ARMC6: variants seen among roughly 807,000 people sequenced by gnomAD.
ARMC6 encodes the protein armadillo repeat-containing protein 6.
Under a neutral mutation model 49.2 loss-of-function variants are expected in ARMC6, and 43 were observed. That is an observed-to-expected ratio of 0.87 (90% CI 0.69 to 1.13). The LOEUF is 1.13. ARMC6 is among the 50% of genes most tolerant of loss of function. The pLI, the probability that ARMC6 is intolerant of heterozygous loss-of-function variation, is 0.00. For synonymous variants in ARMC6, 262 were observed against 289.6 expected, an observed-to-expected ratio of 0.90 and a Z score of 0.97; for missense variants, 627 against 682.0, an observed-to-expected ratio of 0.92 and a Z score of 0.90.
chr19:19,056,593 C>G (rs998000881), intron 8 of ARMC6, among the ~76,000 whole-genome samples: 1 of 152,122 alleles, frequency 6.6e-6, no homozygotes, highest in African/African-American at 2.4e-5. Flanking sequence ...ATAGAGAGAT[C>G]TGGGGAGAAA....
At chr19:19,049,040 A>G (rs920133353) in intron 4 of ARMC6, among the ~76,000 whole-genome samples, 4 of 150,486 alleles carry the variant, frequency 2.7e-5, no homozygotes, top group African/African-American at 9.8e-5. Flanking sequence ...AGGGGTCCTT[A>G]GTATGGATGA....
intron 2 of ARMC6, among the ~76,000 whole-genome samples, chr19:19,040,350 C>T (rs1163283603): frequency 2.6e-5 from 4 of 152,168 alleles, no homozygotes; most frequent in Non-Finnish European, 5.9e-5. Flanking sequence ...CAGCTGGAAT[C>T]GGAAGCAGAA....
In ARMC6 at chr19:19,042,878, G is replaced by A; in HGVS notation, c.196+1G>A. 1 of 1,613,610 alleles carries A rather than the reference G, an allele frequency of 6.2e-7. No individual in the cohort carries two copies. The highest frequency in any genetic ancestry group is 8.5e-7 in the Non-Finnish European group (1 of 1,179,998). On this transcript the variant is annotated splice_donor_variant, in intron 3 of 8. Coordinates refer to ENST00000535612, the MANE Select transcript of ARMC6 (RefSeq NM_001199196.2). LOFTEE classifies it high-confidence loss of function. ...GCCGTGGAGCAGTTTGAATCGCAAG[G>A]TAGGGTGGTGTGACTGTCACCTACC...
intron 2 of ARMC6, among the ~76,000 whole-genome samples, chr19:19,035,105 C>T (rs1399217506): frequency 6.6e-6 from 1 of 152,168 alleles, no homozygotes; most frequent in Non-Finnish European, 1.5e-5. Context: ...ACCTCATGAT[C>T]CGCCCGCTTC....
chr19:19,052,232 G>T, intron 5 of ARMC6, 37 bp downstream of exon 5: 1 of 1,538,822 alleles, frequency 6.5e-7, no homozygotes, highest in Non-Finnish European at 8.7e-7. Flanking sequence ...AGCGAACAAA[G>T]TGGGCGGGTC....
chr19:19,055,746 G>T lies in ARMC6; in HGVS notation c.1156-45G>T. On this transcript the variant is annotated intron_variant, in intron 7 of 8. Coordinates refer to ENST00000535612, the MANE Select transcript of ARMC6 (RefSeq NM_001199196.2). This position sits in a 1 kb window ranked among gnomAD's most constrained non-coding sequence, Gnocchi z 5.7. ...GTGGCCATGGCAGGATGTTGTGGGG[G>T]GTCTATCTGCTGCATCTCAGCCTTT... 1 of 1,527,184 alleles carries T rather than the reference G, an allele frequency of 6.5e-7. No individual in the cohort carries two copies. Among genetic ancestry groups the T allele is most frequent in the Non-Finnish European group, 8.9e-7 (1 of 1,128,478 alleles). 94.6% of individuals were successfully genotyped at this position (1,527,184 alleles called of 1,614,324 possible).
At chr19:19,041,275 T>C (rs961738957) in intron 2 of ARMC6, among the ~76,000 whole-genome samples, 2 of 152,230 alleles carry the variant, frequency 1.3e-5, no homozygotes, top group African/African-American at 4.8e-5. Context: ...AGAAAACACA[T>C]GATGGGTTTA....
At chr19:19,045,694 C>G (rs1305073015) in intron 4 of ARMC6, among the ~76,000 whole-genome samples, 1 of 150,616 alleles carries the variant, frequency 6.6e-6, no homozygotes, top group Non-Finnish European at 1.5e-5. Flanking sequence ...CTCTGTCACC[C>G]AGGCTGGAGT....
In ARMC6 at chr19:19,055,026, G is replaced by A. The variant is rs1221761422; in HGVS notation, c.1024-239G>A. ...AGGGGGACCCTGTGCTCTGAAGGCC[G>A]GCCTGAGTCACATGCCCCCGCTGCC... On this transcript the variant is annotated intron_variant, in intron 6 of 8. Transcript: ENST00000535612. This position sits in a 1 kb window ranked among gnomAD's most constrained non-coding sequence, Gnocchi z 5.7. Among the ~76,000 whole-genome samples, 1 of 152,198 alleles carries A rather than the reference G, an allele frequency of 6.6e-6. No individual in the cohort carries two copies. The highest frequency in any genetic ancestry group is 1.5e-5 in the Non-Finnish European group (1 of 68,032).
rs369804120 is a variant in ARMC6, at chr19:19,055,742, G to T, written c.1156-49G>T. 3.3e-6 allele frequency: 5 copies of T among 1,523,408 alleles called. No homozygotes were observed. The highest frequency in any genetic ancestry group is 4.4e-6 in the Non-Finnish European group (5 of 1,127,140). 94.4% of individuals were successfully genotyped at this position (1,523,408 alleles called of 1,614,324 possible). ...GTTGGTGGCCATGGCAGGATGTTGTGGGGGGTCTATCTGCTGCATCTCAGC... is the reference window on the plus strand; with the variant it reads ...GTTGGTGGCCATGGCAGGATGTTGTTGGGGGTCTATCTGCTGCATCTCAGC... On this transcript the variant is annotated intron_variant, in intron 7 of 8. Coordinates refer to ENST00000535612, the MANE Select transcript of ARMC6 (RefSeq NM_001199196.2). This position sits in a 1 kb window ranked among gnomAD's most constrained non-coding sequence, Gnocchi z 5.7.
intron 3 of ARMC6, 96 bp from the exon 4 acceptor site, chr19:19,043,896 G>A (rs2145855591): frequency 1.7e-6 from 2 of 1,149,128 alleles, no homozygotes; most frequent in African/African-American, 1.5e-5. Flanking sequence ...GGTCCCAGCA[G>A]AAGGGTCCTG....
At chr19:19,034,314 G>T (rs2059318780) in intron 2 of ARMC6, 76 bp downstream of exon 2, 1 of 1,534,384 alleles carries the variant, frequency 6.5e-7, no homozygotes, top group Non-Finnish European at 8.8e-7. Context: ...TGGTTTTGAA[G>T]GCTGTCTCTT....
intron 4 of ARMC6, among the ~76,000 whole-genome samples, chr19:19,049,424 C>G (rs920075707): frequency 6.6e-6 from 1 of 152,186 alleles, no homozygotes; most frequent in Non-Finnish European, 1.5e-5. Context: ...GTAGTTCTAA[C>G]TCCAATACTG....
chr19:19,038,222 A>C (rs1242892123), intron 2 of ARMC6, among the ~76,000 whole-genome samples: 1 of 152,214 alleles, frequency 6.6e-6, no homozygotes, highest in Non-Finnish European at 1.5e-5. Flanking sequence ...ATTACAGTGA[A>C]TAGTATAATT....
intron 2 of ARMC6, chr19:19,040,663 T>TA: frequency 2.9e-6 from 1 of 342,170 alleles, no homozygotes; most frequent in Non-Finnish European, 5.9e-6. Flanking sequence ...ACTTTTTTTT[T>TA]TTTTTGCAAC....
chr19:19,050,464 C>T (rs1232057426), intron 4 of ARMC6, among the ~76,000 whole-genome samples: 1 of 152,212 alleles, frequency 6.6e-6, no homozygotes, highest in Non-Finnish European at 1.5e-5. Flanking sequence ...GATCCTCCTG[C>T]CTTGGCCTCC....
At chr19:19,042,625 T>G (rs2059419199) in intron 2 of ARMC6, 86 bp from the exon 3 acceptor site, 1 of 1,436,206 alleles carries the variant, frequency 7.0e-7, no homozygotes, top group African/African-American at 1.4e-5. Flanking sequence ...TGGTAGATGC[T>G]TCCTAAGTGG....
chr19:19,051,597 C>G, intron 4 of ARMC6, 25 bp from the exon 5 acceptor site: 1 of 1,561,210 alleles, frequency 6.4e-7, no homozygotes, highest in South Asian at 1.2e-5. Flanking sequence ...TGAGCTGATG[C>G]TGAGGTTTCT....
intron 2 of ARMC6, among the ~76,000 whole-genome samples, chr19:19,041,670 T>C (rs2059412749): frequency 6.6e-6 from 1 of 152,128 alleles, no homozygotes; most frequent in African/African-American, 2.4e-5. Flanking sequence ...ATATAGTGTA[T>C]ATCTTATACT....
Sources: allele counts gnomAD v4.1 joint callset (sites outside exome capture counted in the v4.1 genomes callset), GRCh38; gene constraint gnomAD v4.1.1; non-coding constraint Gnocchi (gnomAD v3.1); transcripts MANE v1.5; gene names NCBI Gene and HGNC (gene_info 2026-07-23, HGNC 2026-07-21).